The following SNX29 variants were observed in gnomAD, a reference collection of about 807,000 sequenced individuals.
The protein encoded by SNX29 is sorting nexin-29.
Under a neutral mutation model 102.1 loss-of-function variants are expected in SNX29, and 78 were observed. The ratio of observed to expected loss-of-function variants is 0.76; its 90% CI spans 0.64 to 0.92. The LOEUF is 0.92. Ranked by LOEUF, SNX29 falls within the 40% of genes least tolerant of loss-of-function variation. SNX29 has a pLI of 0.00. For synonymous variants in SNX29, 580 were observed against 414.5 expected (o/e 1.40, Z -4.85); for missense variants, 1,280 against 1,061.7 (o/e 1.21, Z -2.86).
chr16:12,025,431 T>C (rs1270943423), intron 3 of SNX29, among the ~76,000 whole-genome samples: 2 of 152,130 alleles, frequency 1.3e-5, no homozygotes, highest in Non-Finnish European at 1.5e-5. Context: ...CTGGGATCTC[T>C]GGTTCAAGGT....
At chr16:12,008,972 C>T (rs2093426208) in intron 3 of SNX29, among the ~76,000 whole-genome samples, 1 of 151,808 alleles carries the variant, frequency 6.6e-6, no homozygotes, top group Non-Finnish European at 1.5e-5. Flanking sequence ...AAACACCTGA[C>T]CTCAAGTGAT....
chr16:12,550,128 G>A (rs926588206), intron 20 of SNX29, among the ~76,000 whole-genome samples: 21 of 152,194 alleles, frequency 1.4e-4, no homozygotes, highest in African/African-American at 4.1e-4. Flanking sequence ...ACACTCACAT[G>A]TAAAGGGAAT....
intron 18 of SNX29, among the ~76,000 whole-genome samples, chr16:12,458,885 C>T (rs1266724755): frequency 6.6e-6 from 1 of 152,232 alleles, no homozygotes; most frequent in Non-Finnish European, 1.5e-5. Flanking sequence ...CTGTTGGTCT[C>T]AGGTCTTTTC....
At chr16:12,293,336 C>T (rs1042839756) in intron 15 of SNX29, among the ~76,000 whole-genome samples, 8 of 152,284 alleles carry the variant, frequency 5.3e-5, no homozygotes, top group East Asian at 1.9e-4. Flanking sequence ...TAGAATATCC[C>T]GAGTTGCATA....
chr16:12,553,210 C>T (rs972486856), intron 20 of SNX29, among the ~76,000 whole-genome samples: 1 of 152,130 alleles, frequency 6.6e-6, no homozygotes, highest in African/African-American at 2.4e-5. Context: ...TTCCAGTAGC[C>T]ATGCTCGCAG....
chr16:12,244,501 C>G (rs889116107), intron 14 of SNX29, among the ~76,000 whole-genome samples: 4 of 151,964 alleles, frequency 2.6e-5, no homozygotes, highest in Non-Finnish European at 5.9e-5. Flanking sequence ...CCCAGCTGCT[C>G]TGGAGGCTGT....
At chr16:12,075,215 G>T (rs1448420945) in intron 10 of SNX29, among the ~76,000 whole-genome samples, 1 of 152,210 alleles carries the variant, frequency 6.6e-6, no homozygotes, top group African/African-American at 2.4e-5. Context: ...GAGGAACCGT[G>T]TTCCTTTGGA....
intron 13 of SNX29, among the ~76,000 whole-genome samples, chr16:12,145,440 G>C (rs562481824): frequency 6.6e-6 from 1 of 151,880 alleles, no homozygotes; most frequent in East Asian, 1.9e-4. Flanking sequence ...TTTTTTCCCT[G>C]TTCATAAATG....
At chr16:12,455,145 A>G (rs2086479050) in intron 18 of SNX29, among the ~76,000 whole-genome samples, 2 of 152,082 alleles carry the variant, frequency 1.3e-5, no homozygotes, top group African/African-American at 2.4e-5. Flanking sequence ...CCTCCTGACA[A>G]AGGTTTCCTC....
At chr16:12,336,974 C>T (rs1292685410) in intron 15 of SNX29, among the ~76,000 whole-genome samples, 1 of 152,148 alleles carries the variant, frequency 6.6e-6, no homozygotes, top group Non-Finnish European at 1.5e-5. Context: ...AAAAAACAGA[C>T]ACCACAAGAA....
rs1445177655 is a variant in SNX29, at chr16:12,461,972, AAAAAAAATATATATATATATATAT to A, written c.2038-15745_2038-15722del. Among the ~76,000 whole-genome samples, 14 of 64,152 alleles carry A rather than the reference AAAAAAAATATATATATATATATAT, an allele frequency of 2.2e-4. No homozygotes were observed. In the South Asian group the frequency reaches 8.6e-3, roughly 40 times the overall value. 42.1% of individuals were successfully genotyped at this position (64,152 alleles called of 152,430 possible). ...CTCTGTCTCAAAAAAAAAAAAAAAA[AAAAAAAATATATATATATATATAT>A]ATATATATATATATATGTATACACA... On this transcript the variant is annotated intron_variant, in intron 18 of 20. Transcript: ENST00000566228.
chr16:12,277,680 T>G (rs1227823477), intron 14 of SNX29, among the ~76,000 whole-genome samples: 1 of 152,116 alleles, frequency 6.6e-6, no homozygotes, highest in East Asian at 1.9e-4. Context: ...GCTCAAGCGA[T>G]CCTCTCAACT....
At chr16:12,204,156 CAG>C (rs1390340125) in intron 14 of SNX29, among the ~76,000 whole-genome samples, 1 of 152,180 alleles carries the variant, frequency 6.6e-6, no homozygotes, top group African/African-American at 2.4e-5. Context: ...AGCTGAAAGG[CAG>C]AGAGAAAGCG....
At chr16:12,355,932 G>C (rs547311388) in intron 15 of SNX29, among the ~76,000 whole-genome samples, 1 of 149,674 alleles carries the variant, frequency 6.7e-6, no homozygotes, top group Admixed American at 6.7e-5. Context: ...ATCCTATTTG[G>C]ACCATAACTT....
intron 11 of SNX29, among the ~76,000 whole-genome samples, chr16:12,118,551 C>T (rs1261173672): frequency 1.3e-5 from 2 of 151,868 alleles, no homozygotes; most frequent in South Asian, 2.1e-4. Context: ...CCTGACCTGA[C>T]GTGATCCGCC....
chr16:12,446,508 A>C (rs1303779103), intron 18 of SNX29, among the ~76,000 whole-genome samples: 1 of 152,188 alleles, frequency 6.6e-6, no homozygotes, highest in Non-Finnish European at 1.5e-5. Context: ...TTGATCTAGC[A>C]CTCCAAGAGG....
At chr16:12,391,481 T>A (rs138703799) in intron 16 of SNX29, among the ~76,000 whole-genome samples, 1 of 152,304 alleles carries the variant, frequency 6.6e-6, no homozygotes, top group East Asian at 1.9e-4. Context: ...ACAAAAACTT[T>A]CCAGGATTTT....
At chr16:12,507,943 C>T (rs2089450267) in intron 19 of SNX29, among the ~76,000 whole-genome samples, 1 of 152,300 alleles carries the variant, frequency 6.6e-6, no homozygotes. Flanking sequence ...CAGACCTCTC[C>T]TGTGTAAACA....
At chr16:12,556,699 C>T (rs977610350) in intron 20 of SNX29, among the ~76,000 whole-genome samples, 1 of 152,070 alleles carries the variant, frequency 6.6e-6, no homozygotes, top group Non-Finnish European at 1.5e-5. Context: ...AGGCAGAAGC[C>T]AAAGGCCAGT....
Sources: gnomAD v4.1 joint callset for allele counts (sites outside exome capture counted in the v4.1 genomes callset) on GRCh38, gnomAD v4.1.1 for gene constraint, MANE v1.5 for transcripts, NCBI Gene and HGNC (gene_info 2026-07-23, HGNC 2026-07-21) for gene names.